The following OPRM1 variants were observed in gnomAD, a reference collection of about 807,000 sequenced individuals.
The protein encoded by OPRM1 is opioid receptor mu 1.
OPRM1 carries 27 observed loss-of-function variants against 31.8 expected under a neutral mutation model. That is an observed-to-expected ratio of 0.85 (90% CI 0.63 to 1.17). The LOEUF is 1.17. Ranked by LOEUF, OPRM1 falls within the 50% of genes most tolerant of loss-of-function variation. The pLI, the probability that OPRM1 is intolerant of heterozygous loss-of-function variation, is 0.00. For missense variants in OPRM1, 536 were observed against 511.1 expected (o/e 1.05, Z -0.47); for synonymous variants, 196 against 189.9 (o/e 1.03, Z -0.26).
At position 154,144,697 on chromosome 6, in the gene OPRM1, G is replaced by A. The variant is rs973003009; in HGVS notation, c.1164+53225G>A. 1.6e-4 allele frequency among the ~76,000 whole-genome samples: 23 copies of A among 142,378 alleles called. No homozygotes were observed. In the East Asian group the frequency reaches 1.6e-3, roughly 10 times the overall value. The allele number at this position is 142,378 out of a possible 152,430, so 93.4% of individuals were successfully genotyped here. On this transcript the variant is annotated intron_variant, in intron 3 of 3. Transcript: ENST00000337049. ...CAGGAGGTGTAGGTTGCTGTGAGCC[G>A]AGATCGCGCCATTGCACTCCAGCCT...
rs149078993 is a variant in OPRM1 at position 154,184,372 on chromosome 6, C to T, written c.1165-62321C>T. On this transcript the variant is annotated intron_variant, in intron 3 of 3. Coordinates refer to the OPRM1 transcript ENST00000337049. ...TATACTAGTAGTAGTATAATATTCACACCACAGAAAATGATGCAGTTATCA... is the reference window on the plus strand; with the variant it reads ...TATACTAGTAGTAGTATAATATTCATACCACAGAAAATGATGCAGTTATCA... 1.4e-3 allele frequency among the ~76,000 whole-genome samples: 212 copies of T among 152,082 alleles called. 1 individual carries two copies. The highest frequency in any genetic ancestry group is 4.9e-3 in the African/African-American group (203 of 41,490).
chr6:154,215,337 G>A (rs1040343811), intron 3 of OPRM1, among the ~76,000 whole-genome samples: 5 of 152,056 alleles, frequency 3.3e-5, no homozygotes, highest in South Asian at 2.1e-4. Flanking sequence ...TGCCGGGAGC[G>A]GTGGTTCATG....
intron 1 of OPRM1, among the ~76,000 whole-genome samples, chr6:154,044,637 G>T (rs1780744046): frequency 1.3e-5 from 2 of 150,704 alleles, no homozygotes; most frequent in African/African-American, 2.4e-5. Context: ...CTCAGCTACT[G>T]CTGCAAAAAA....
chr6:154,091,444 C>A lies in OPRM1; in HGVS notation c.1136C>A (p.Ala379Asp). The A allele has an allele frequency of 6.2e-7, 1 of 1,613,222 alleles. No individual in the cohort carries two copies. The highest frequency in any genetic ancestry group is 1.7e-5 in the Admixed American group (1 of 60,006). ...AACACTAGAGACCACCCCTCCACGG[C>A]CAATACAGTGGATAGAACTAATCAT... Reference protein sequence around the residue: ...RQNTRDHPSTANTVDRTNHQL... With the variant: ...RQNTRDHPSTDNTVDRTNHQL... Residue 379 changes from alanine to aspartate, a missense_variant, in exon 3 of 4, where the codon GCC becomes GAC. Physicochemically the swap from Ala to Asp is moderately radical, Grantham distance 126 (BLOSUM62 -2). Transcript: ENST00000330432.
At chr6:154,071,932 T>C (rs1008188614) in intron 1 of OPRM1, among the ~76,000 whole-genome samples, 5 of 152,108 alleles carry the variant, frequency 3.3e-5, no homozygotes, top group Non-Finnish European at 7.4e-5. Flanking sequence ...TCATGGAGAG[T>C]CCTCATCTGA....
chr6:154,163,220 C>T (rs1799163741), intron 3 of OPRM1, among the ~76,000 whole-genome samples: 1 of 152,210 alleles, frequency 6.6e-6, no homozygotes, highest in African/African-American at 2.4e-5. Flanking sequence ...CACTGCTGCA[C>T]TCCCCATGCT....
chr6:154,179,307 T>C (rs1800633061), intron 3 of OPRM1, among the ~76,000 whole-genome samples: 1 of 152,244 alleles, frequency 6.6e-6, no homozygotes, highest in Non-Finnish European at 1.5e-5. Flanking sequence ...TCCAAGAGGC[T>C]TTTCAGTAAA....
chr6:154,028,919 C>A (rs1326638921), intron 1 of OPRM1, among the ~76,000 whole-genome samples: 1 of 152,130 alleles, frequency 6.6e-6, no homozygotes, highest in Non-Finnish European at 1.5e-5. Context: ...AACTTAAAAC[C>A]AAGTGCTGTG....
chr6:154,171,147 A>T (rs1207043195), intron 3 of OPRM1, among the ~76,000 whole-genome samples: 1 of 152,232 alleles, frequency 6.6e-6, no homozygotes, highest in African/African-American at 2.4e-5. Flanking sequence ...ACATATATTC[A>T]CACAAAAATT....
At chr6:154,197,484 AT>A (rs1473098445) in intron 3 of OPRM1, among the ~76,000 whole-genome samples, 3 of 152,234 alleles carry the variant, frequency 2.0e-5, no homozygotes, top group Admixed American at 6.5e-5. Context: ...GAGAAAAAAA[AT>A]ACTTTCATTT....
chr6:154,010,903 C>G (rs2128374157), exon 1 of OPRM1: 3 of 1,315,494 alleles, frequency 2.3e-6, no homozygotes, highest in Non-Finnish European at 3.0e-6. Flanking sequence ...GAAGGACCAG[C>G]CCTTACATCC....
At chr6:154,068,804 T>C (rs1011857749) in intron 1 of OPRM1, among the ~76,000 whole-genome samples, 5 of 152,232 alleles carry the variant, frequency 3.3e-5, no homozygotes, top group Non-Finnish European at 7.3e-5. Context: ...ATAATGGCTC[T>C]ACTAATTTGC....
At chr6:154,167,050 C>A (rs1204308094) in intron 3 of OPRM1, among the ~76,000 whole-genome samples, 2 of 152,166 alleles carry the variant, frequency 1.3e-5, no homozygotes, top group Non-Finnish European at 2.9e-5. Flanking sequence ...ACTCAGCCTG[C>A]CTTTGTAGCC....
intron 1 of OPRM1, among the ~76,000 whole-genome samples, chr6:154,046,041 C>A (rs371434436): frequency 1.3e-5 from 2 of 152,190 alleles, no homozygotes; most frequent in African/African-American, 4.8e-5. Context: ...CACACAAGGT[C>A]GTATCTCACA....
intron 1 of OPRM1, among the ~76,000 whole-genome samples, chr6:154,065,024 A>C (rs1448032059): frequency 6.6e-6 from 1 of 152,200 alleles, no homozygotes; most frequent in African/African-American, 2.4e-5. Context: ...ATTTCAGCAA[A>C]AACTTCATTG....
At chr6:154,106,496 G>A (rs1795594583) in intron 3 of OPRM1, among the ~76,000 whole-genome samples, 1 of 152,140 alleles carries the variant, frequency 6.6e-6, no homozygotes, top group African/African-American at 2.4e-5. Flanking sequence ...AGTCATAGTG[G>A]CATTTTATGA....
intron 3 of OPRM1, among the ~76,000 whole-genome samples, chr6:154,147,016 G>A (rs1004541940): frequency 1.3e-5 from 2 of 152,164 alleles, no homozygotes; most frequent in Non-Finnish European, 2.9e-5. Context: ...TCTACCTTAA[G>A]GGAAATGGAC....
In OPRM1 at chr6:154,131,433, T is replaced by G. The variant is rs1797889416; in HGVS notation, c.*12712T>G. Among the ~76,000 whole-genome samples, 1 of 152,206 alleles carries G rather than the reference T, an allele frequency of 6.6e-6. No individual in the cohort carries two copies. The highest frequency in any genetic ancestry group is 2.4e-5 in the African/African-American group (1 of 41,450). On this transcript the variant is annotated 3_prime_UTR_variant, in exon 4 of 4. Coordinates refer to ENST00000330432, the MANE Select transcript of OPRM1 (RefSeq NM_000914.5). Reference sequence around the variant, plus strand: ...AAGCAATCAACCCTTCCACCCATTGTCCTCTTTCTAGCTGCTTATATTCCT... The same window carrying G: ...AAGCAATCAACCCTTCCACCCATTGGCCTCTTTCTAGCTGCTTATATTCCT...
intron 3 of OPRM1, among the ~76,000 whole-genome samples, chr6:154,192,943 T>G (rs925158546): frequency 2.0e-5 from 3 of 152,190 alleles, no homozygotes; most frequent in African/African-American, 7.2e-5. Flanking sequence ...ACAACCACAC[T>G]ATGGAAAACA....
Sources: gnomAD v4.1 joint callset for allele counts (sites outside exome capture counted in the v4.1 genomes callset) on GRCh38, gnomAD v4.1.1 for gene constraint, MANE v1.5 for transcripts, NCBI Gene and HGNC (gene_info 2026-07-23, HGNC 2026-07-21) for gene names.